CSMD1: variants seen among roughly 807,000 people sequenced by gnomAD.
CSMD1 encodes the protein CUB and sushi domain-containing protein 1.
In CSMD1, 213 loss-of-function variants were observed where a neutral mutation model predicts 417.5. The observed-to-expected ratio is 0.51, with a 90% CI of 0.46 to 0.57. The LOEUF is 0.57. CSMD1 is among the 20% of genes least tolerant of loss of function. CSMD1 has a pLI of 0.00. For synonymous variants in CSMD1, 2,862 were observed against 1,736.8 expected, an observed-to-expected ratio of 1.65 and a Z score of -16.11; for missense variants, 6,923 against 4,529.7, an observed-to-expected ratio of 1.53 and a Z score of -15.17.
intron 23 of CSMD1, among the ~76,000 whole-genome samples, chr8:3,314,509 T>G (rs1441770163): frequency 6.6e-6 from 1 of 152,222 alleles, no homozygotes; most frequent in African/African-American, 2.4e-5. Flanking sequence ...TAAAAAAGAC[T>G]AAATCACATT....
intron 4 of CSMD1, among the ~76,000 whole-genome samples, chr8:4,008,822 G>C (rs1368382832): frequency 6.6e-6 from 1 of 151,930 alleles, no homozygotes; most frequent in East Asian, 1.9e-4. Context: ...GTGTTAGCCA[G>C]GATGGTCTCG....
intron 8 of CSMD1, among the ~76,000 whole-genome samples, chr8:3,602,445 C>T (rs1333993832): frequency 6.6e-6 from 1 of 151,998 alleles, no homozygotes; most frequent in Non-Finnish European, 1.5e-5. Flanking sequence ...GGGAATGGCC[C>T]CAAAATCAAT....
chr8:4,053,780 G>T (rs752253816), intron 3 of CSMD1, among the ~76,000 whole-genome samples: 5 of 152,124 alleles, frequency 3.3e-5, no homozygotes, highest in African/African-American at 4.8e-5. Context: ...GCTTAGATTA[G>T]AGAATAAACC....
intron 10 of CSMD1, among the ~76,000 whole-genome samples, chr8:3,526,730 C>T (rs1211167416): frequency 6.6e-6 from 1 of 152,210 alleles, no homozygotes; most frequent in Non-Finnish European, 1.5e-5. Context: ...GTATCCCCTT[C>T]AATAAGTTAC....
chr8:3,243,286 G>A (rs1401849094), intron 26 of CSMD1, among the ~76,000 whole-genome samples: 1 of 152,114 alleles, frequency 6.6e-6, no homozygotes, highest in African/African-American at 2.4e-5. Flanking sequence ...GATCTCCCAA[G>A]GGAGGTCCCC....
Position 3,403,293 on chromosome 8 carries a change from A to G in CSMD1, c.2266+2734T>C, listed in dbSNP as rs1195671140. ...TGTTATCTGTATTACTCACTGCTTC[A>G]TTGCTATTTTATTTTTTTCCCTACT... On this transcript the variant is annotated intron_variant, in intron 15 of 69. Transcript: ENST00000635120. 3.9e-5 allele frequency among the ~76,000 whole-genome samples: 6 copies of G among 152,088 alleles called. No homozygotes were observed. The East Asian group carries it at 1.2e-3, about 29-fold the overall frequency.
At chr8:4,135,545 T>G (rs957872489) in intron 3 of CSMD1, among the ~76,000 whole-genome samples, 1 of 152,122 alleles carries the variant, frequency 6.6e-6, no homozygotes, top group African/African-American at 2.4e-5. Flanking sequence ...TGTTTCAGAT[T>G]GGAAACAAAT....
intron 54 of CSMD1, among the ~76,000 whole-genome samples, chr8:2,989,674 T>C (rs1421999231): frequency 1.3e-5 from 2 of 152,180 alleles, no homozygotes; most frequent in Non-Finnish European, 2.9e-5. Flanking sequence ...CAGAGAATGA[T>C]GAATAAATAT....
chr8:4,865,602 C>A (rs1386335584), intron 1 of CSMD1, among the ~76,000 whole-genome samples: 1 of 151,922 alleles, frequency 6.6e-6, no homozygotes, highest in East Asian at 1.9e-4. Flanking sequence ...TTGCATACGC[C>A]TTTTCAGTTT....
At chr8:3,646,208 T>G (rs1797563489) in intron 7 of CSMD1, among the ~76,000 whole-genome samples, 1 of 152,122 alleles carries the variant, frequency 6.6e-6, no homozygotes, top group Non-Finnish European at 1.5e-5. Context: ...TTATCATATT[T>G]GAATAAAAAT....
chr8:3,681,723 G>T (rs34528563), intron 7 of CSMD1, among the ~76,000 whole-genome samples: 21,125 of 152,028 alleles, frequency 0.14, 1,911 homozygotes, highest in Non-Finnish European at 0.2. Context: ...AAAAGAGCCC[G>T]CATTGCCAAG....
intron 25 of CSMD1, among the ~76,000 whole-genome samples, chr8:3,300,195 A>G (rs1584955221): frequency 6.6e-6 from 1 of 152,358 alleles, no homozygotes; most frequent in South Asian, 2.1e-4. Flanking sequence ...TTAACTCAAA[A>G]TAAATGTTCA....
rs569937941 is a variant in CSMD1, at chr8:4,467,247, C to T, written c.303-47182G>A. ...CAAAGCTCCCAGGGACACATTCCAG[C>T]TAAGAATCTACTTCAATTCGTGTTC... On this transcript the variant is annotated intron_variant, in intron 2 of 69. Transcript: ENST00000635120. 5.9e-5 allele frequency among the ~76,000 whole-genome samples: 9 copies of T among 152,238 alleles called. No individual in the cohort carries two copies. The East Asian group carries it at 1.7e-3, about 29-fold the overall frequency.
At chr8:3,371,971 G>T (rs1025304502) in intron 18 of CSMD1, among the ~76,000 whole-genome samples, 2 of 152,154 alleles carry the variant, frequency 1.3e-5, no homozygotes, top group African/African-American at 4.8e-5. Context: ...CAGCATCAGG[G>T]ATGATTAATA....
chr8:3,299,820 G>C (rs913983173), intron 25 of CSMD1, among the ~76,000 whole-genome samples: 6 of 152,176 alleles, frequency 3.9e-5, no homozygotes, highest in Admixed American at 1.3e-4. Flanking sequence ...TTTCTGGACA[G>C]ATTGTTAAGG....
chr8:4,201,889 G>C (rs895623781), intron 3 of CSMD1, among the ~76,000 whole-genome samples: 1 of 31,734 alleles, frequency 3.2e-5, no homozygotes, highest in African/African-American at 5.5e-5. Flanking sequence ...GGAAATTTTG[G>C]GGGGGGGGGG....
rs140998347 is a variant in CSMD1, at chr8:3,528,258, C to G, written c.1345-34532G>C. On this transcript the variant is annotated intron_variant, in intron 10 of 69. Transcript: ENST00000635120. ...GTGTTGTGGAAAGGGATAGACACAT[C>G]TCAAATCACCAGGTTCTTGTATGCC... 1.1e-3 allele frequency among the ~76,000 whole-genome samples: 174 copies of G among 152,336 alleles called. 3 individuals are homozygous for G. The highest frequency in any genetic ancestry group is 8.2e-3 in the Admixed American group (126 of 15,308).
At chr8:4,022,370 C>T (rs377202759) in intron 4 of CSMD1, among the ~76,000 whole-genome samples, 28 of 152,038 alleles carry the variant, frequency 1.8e-4, no homozygotes, top group African/African-American at 6.5e-4. Context: ...AATCATGAAG[C>T]AACACTGTAA....
intron 5 of CSMD1, among the ~76,000 whole-genome samples, chr8:3,889,559 C>CTG (rs1180378665): frequency 3.0e-5 from 1 of 33,104 alleles, no homozygotes; most frequent in South Asian, 1.6e-3. Flanking sequence ...ATATGTGTGT[C>CTG]TGTGTGTGTG....
Sources: gnomAD v4.1 joint callset for allele counts (sites outside exome capture counted in the v4.1 genomes callset) on GRCh38, gnomAD v4.1.1 for gene constraint, MANE v1.5 for transcripts, NCBI Gene and HGNC (gene_info 2026-07-23, HGNC 2026-07-21) for gene names.